COMMD6: variants seen among roughly 807,000 people sequenced by gnomAD.
COMMD6 encodes COMM domain-containing protein 6.
In COMMD6, 11 loss-of-function variants were observed where a neutral mutation model predicts 13.4. That is an observed-to-expected ratio of 0.82 (90% CI 0.52 to 1.36). The LOEUF (loss-of-function observed/expected upper bound fraction) is 1.36, where lower values mean the gene tolerates loss of function less well. COMMD6 is among the 40% of genes most tolerant of loss of function. The pLI is 0.00. For synonymous variants in COMMD6, 43 were observed against 36.5 expected (o/e 1.18, Z -0.64); for missense variants, 124 against 102.4 (o/e 1.21, Z -0.91).
At chr13:75,546,252 T>C (rs1360126470) in intron 1 of COMMD6, among the ~76,000 whole-genome samples, 1 of 152,184 alleles carries the variant, frequency 6.6e-6, no homozygotes, top group Non-Finnish European at 1.5e-5. Flanking sequence ...GAACAACAGG[T>C]TGCAAACTTG....
At position 75,525,914 on chromosome 13, in the gene COMMD6, C is replaced by A. The variant is rs958814217; in HGVS notation, c.*675G>T. The A allele has an allele frequency of 6.6e-6, 1 of 152,240 alleles. No homozygotes were observed. The highest frequency in any genetic ancestry group is 2.4e-5 in the African/African-American group (1 of 41,472). The allele number at this position is 152,240 out of a possible 1,614,324, so 9.4% of individuals were successfully genotyped here. ...TTATGTATTTAAATTCAACAGAGATCATCTAATGCAATAACTTGTGCTAAC... is the reference window on the plus strand; with the variant it reads ...TTATGTATTTAAATTCAACAGAGATAATCTAATGCAATAACTTGTGCTAAC... On this transcript the variant is annotated 3_prime_UTR_variant, in exon 4 of 4. Coordinates refer to ENST00000682242, the MANE Select transcript of COMMD6 (RefSeq NM_203495.4).
At chr13:75,530,906 A>T (rs1321095279) in intron 2 of COMMD6, among the ~76,000 whole-genome samples, 1 of 152,218 alleles carries the variant, frequency 6.6e-6, no homozygotes, top group Non-Finnish European at 1.5e-5. Flanking sequence ...TTGTCTTAAT[A>T]CTTTTAATCT....
At chr13:75,549,301 C>G (rs1461160629) in intron 1 of COMMD6, 1 of 157,314 alleles carries the variant, frequency 6.4e-6, no homozygotes. Context: ...ACTCCTGCAC[C>G]CCGACAAACG....
chr13:75,532,357 G>C (rs4885308), intron 2 of COMMD6, among the ~76,000 whole-genome samples: 12,802 of 152,258 alleles, frequency 0.084, 853 homozygotes, highest in East Asian at 0.26. Context: ...GGAGTTAAGG[G>C]AAAGCTTTAC....
intron 2 of COMMD6, chr13:75,530,507 GAA>G: frequency 3.8e-5 from 10 of 262,644 alleles, no homozygotes; most frequent in East Asian, 2.0e-4. Flanking sequence ...AACAAAAAGT[GAA>G]AAAAAAAAAT....
chr13:75,537,404 T>C (rs1348721021), intron 2 of COMMD6: 3 of 1,551,090 alleles, frequency 1.9e-6, no homozygotes, highest in Admixed American at 3.9e-5. Flanking sequence ...TTCGAATAAC[T>C]GTCGCCTAAT....
At chr13:75,539,144 C>T (rs191079863), upstream of COMMD6, among the ~76,000 whole-genome samples, 263 of 152,192 alleles carry the variant, frequency 1.7e-3, 2 homozygotes, top group Non-Finnish European at 2.9e-4. Flanking sequence ...CTTCTTTTGC[C>T]ACATCTCTCT....
intron 1 of COMMD6, among the ~76,000 whole-genome samples, chr13:75,545,317 T>C (rs2030890039): frequency 6.6e-6 from 1 of 152,222 alleles, no homozygotes; most frequent in Non-Finnish European, 1.5e-5. Context: ...GGCCTGAACG[T>C]GAAAGATTCC....
upstream of COMMD6, among the ~76,000 whole-genome samples, chr13:75,543,339 AG>A (rs973224286): frequency 8.7e-5 from 13 of 149,354 alleles, no homozygotes; most frequent in African/African-American, 3.2e-4. Flanking sequence ...TAAGTTGGAA[AG>A]AAAAAAAACA....
upstream of COMMD6, among the ~76,000 whole-genome samples, chr13:75,541,764 T>C (rs1002049681): frequency 6.6e-6 from 1 of 152,176 alleles, no homozygotes; most frequent in Non-Finnish European, 1.5e-5. Flanking sequence ...TCAACATATT[T>C]ACTATACTGT....
At chr13:75,544,955 C>T (rs1454408853) in intron 1 of COMMD6, among the ~76,000 whole-genome samples, 1 of 101,314 alleles carries the variant, frequency 9.9e-6, no homozygotes, top group Non-Finnish European at 2.4e-5. Context: ...AAAAACAAGA[C>T]TTAAGTAGGT....
At chr13:75,547,850 C>G (rs1174055014) in intron 1 of COMMD6, among the ~76,000 whole-genome samples, 3 of 152,214 alleles carry the variant, frequency 2.0e-5, no homozygotes, top group Non-Finnish European at 4.4e-5. Flanking sequence ...AGAGAACCTA[C>G]TGGGCCTCTT....
rs1290996433 is a variant in COMMD6 at position 75,534,255 on chromosome 13, TAGA to T, written c.54+3406_54+3408del. Among the ~76,000 whole-genome samples, 5 of 152,234 alleles carry T rather than the reference TAGA, an allele frequency of 3.3e-5. No homozygotes were observed. In the South Asian group the frequency reaches 8.3e-4, roughly 25 times the overall value. ...TGTTTCTCAGAATCTGAAATAAAAC[TAGA>T]AGATTTCAAGCAGAAAAGCAATGAA... On this transcript the variant is annotated intron_variant, in intron 2 of 3. Transcript: ENST00000682242.
Position 75,529,970 on chromosome 13 carries a change from C to A in COMMD6, c.207+144G>T, listed in dbSNP as rs1415938416. 3 of 618,890 alleles carry A rather than the reference C, an allele frequency of 4.8e-6. No individual in the cohort carries two copies. In the Admixed American group the frequency reaches 9.2e-5, roughly 19 times the overall value. 38.3% of individuals were successfully genotyped at this position (618,890 alleles called of 1,614,324 possible). A position where few individuals can be genotyped will look rare whatever the true frequency, so the allele number is the denominator to read the frequency against. ...TCCCAAAGAAGACAAATTAATGTCT[C>A]TTGCATATACTACTAGTAAACGTAA... On this transcript the variant is annotated intron_variant, in intron 3 of 3. Coordinates refer to ENST00000682242, the MANE Select transcript of COMMD6 (RefSeq NM_203495.4).
At chr13:75,533,936 T>C (rs111573912) in intron 2 of COMMD6, among the ~76,000 whole-genome samples, 146 of 152,142 alleles carry the variant, frequency 9.6e-4, no homozygotes, top group African/African-American at 3.3e-3. Flanking sequence ...TCCAGTTCAA[T>C]AGTGATGTCC....
chr13:75,540,313 G>A (rs1350703397), upstream of COMMD6, among the ~76,000 whole-genome samples: 1 of 144,314 alleles, frequency 6.9e-6, no homozygotes, highest in Admixed American at 7.2e-5. Context: ...ATCATGGTGA[G>A]GGGGTGGTAA....
Position 75,526,339 on chromosome 13 carries a change from A to G in COMMD6, c.*250T>C. On this transcript the variant is annotated 3_prime_UTR_variant, in exon 4 of 4. Transcript: ENST00000682242. ...ATGATTCAACTGTTAGTCTGATTAC[A>G]TCATTCACATTATCACCAAGTATAT... 1 of 376,026 alleles carries G rather than the reference A, an allele frequency of 2.7e-6. No homozygotes were observed. The highest frequency in any genetic ancestry group is 2.1e-5 in the African/African-American group (1 of 48,088). 23.3% of individuals were successfully genotyped at this position (376,026 alleles called of 1,614,324 possible).
intron 1 of COMMD6, among the ~76,000 whole-genome samples, chr13:75,545,331 G>T (rs1027868142): frequency 6.6e-6 from 1 of 152,158 alleles, no homozygotes; most frequent in Non-Finnish European, 1.5e-5. Flanking sequence ...AGATTCCCTG[G>T]GCTGGTTACA....
chr13:75,549,310 C>G (rs3812845), intron 1 of COMMD6: 91,069 of 157,480 alleles, frequency 0.58, 28,091 homozygotes, highest in Non-Finnish European at 0.69. Flanking sequence ...CCCCGACAAA[C>G]GAACAACAGC....
Sources: gnomAD v4.1 joint callset for allele counts (sites outside exome capture counted in the v4.1 genomes callset) on GRCh38, gnomAD v4.1.1 for gene constraint, MANE v1.5 for transcripts, NCBI Gene and HGNC (gene_info 2026-07-23, HGNC 2026-07-21) for gene names.